The following SLCO2B1 variants were observed in gnomAD, a reference collection of about 807,000 sequenced individuals.
The protein encoded by SLCO2B1 is solute carrier organic anion transporter family member 2B1.
A neutral mutation model predicts 67.3 loss-of-function variants in SLCO2B1; 41 were observed. The ratio of observed to expected loss-of-function variants is 0.61; its 90% CI spans 0.47 to 0.79. SLCO2B1 has a LOEUF of 0.79. Among genes scored for constraint, SLCO2B1 ranks in the 30% least tolerant of loss-of-function variants. SLCO2B1 has a pLI of 0.00. For synonymous variants in SLCO2B1, 379 were observed against 381.4 expected (o/e 0.99, Z 0.07); for missense variants, 837 against 920.1 (o/e 0.91, Z 1.17).
chr11:75,166,950 A>G (rs1357880744), intron 4 of SLCO2B1, among the ~76,000 whole-genome samples: 1 of 152,170 alleles, frequency 6.6e-6, no homozygotes, highest in Non-Finnish European at 1.5e-5. Flanking sequence ...ACCAGACCAG[A>G]GGCCAGGGAT....
intron 1 of SLCO2B1, among the ~76,000 whole-genome samples, chr11:75,152,105 T>C (rs942619645): frequency 2.0e-5 from 3 of 152,330 alleles, no homozygotes; most frequent in Admixed American, 2.0e-4. Context: ...AAAAAGGTCT[T>C]GAAGCTCTGC....
At chr11:75,172,289 C>G (rs1362589703) in intron 6 of SLCO2B1, 90 bp from the exon 7 acceptor site, 24 of 1,235,066 alleles carry the variant, frequency 1.9e-5, no homozygotes, top group Admixed American at 1.6e-4. Context: ...CCTGGGCCAC[C>G]TCATGTCTCA....
intron 7 of SLCO2B1, among the ~76,000 whole-genome samples, chr11:75,186,501 G>A (rs768391772): frequency 5.9e-5 from 9 of 151,520 alleles, no homozygotes; most frequent in East Asian, 3.9e-4. Flanking sequence ...GAGCCGCCAC[G>A]CCCGACTGAT....
chr11:75,165,974 G>A (rs745701899), intron 4 of SLCO2B1, 25 bp downstream of exon 4: 4 of 1,606,586 alleles, frequency 2.5e-6, no homozygotes, highest in Non-Finnish European at 3.4e-6. Context: ...GGCTGGGCAG[G>A]AGTGGGACGT....
chr11:75,174,278 T>C lies in SLCO2B1; in HGVS notation c.972+1709T>C, dbSNP rs572688463. Among the ~76,000 whole-genome samples the C allele has an allele frequency of 2.6e-4, 40 of 152,260 alleles. 1 individual carries two copies. Among genetic ancestry groups the C allele is most frequent in the African/African-American group, 9.4e-4 (39 of 41,538 alleles). ...AAGTAACTTACTTGTTGCTAAGTAA[T>C]TCTAATTTCAAAGGGACAATTTATA... On this transcript the variant is annotated intron_variant, in intron 7 of 13. Transcript: ENST00000289575.
intron 7 of SLCO2B1, among the ~76,000 whole-genome samples, chr11:75,173,951 T>C (rs1356688017): frequency 1.3e-5 from 2 of 151,892 alleles, no homozygotes; most frequent in Non-Finnish European, 2.9e-5. Context: ...TACAGGTGTG[T>C]GCCACCATGC....
At chr11:75,176,761 T>A (rs1016177313) in intron 7 of SLCO2B1, among the ~76,000 whole-genome samples, 1 of 152,154 alleles carries the variant, frequency 6.6e-6, no homozygotes, top group African/African-American at 2.4e-5. Context: ...GAGGCCTCCA[T>A]TTCCCTGGGA....
rs1252101726 is a variant in SLCO2B1 at position 75,204,562 on chromosome 11, A to G, written c.2112A>G (p.Pro704=). 6.2e-7 allele frequency: 1 copy of G among 1,610,576 alleles called. No individual in the cohort carries two copies. The highest frequency in any genetic ancestry group is 2.2e-5 in the East Asian group (1 of 44,844). Residue 704 remains proline (P), a synonymous_variant, in exon 14 of 14, where the codon CCA becomes CCG. Coordinates refer to ENST00000289575, the MANE Select transcript of SLCO2B1 (RefSeq NM_007256.5). Reference sequence around the variant, plus strand: ...TAGTGTCGGGGCCAGGGAAGAAGCCAGAGGATTCCCGAGTGTGAGCTGTCT... The same window carrying G: ...TAGTGTCGGGGCCAGGGAAGAAGCCGGAGGATTCCCGAGTGTGAGCTGTCT... ...QLLVSGPGKK[P]EDSRV
At chr11:75,191,683 C>T (rs1945025353) in intron 8 of SLCO2B1, among the ~76,000 whole-genome samples, 2 of 152,198 alleles carry the variant, frequency 1.3e-5, no homozygotes, top group Non-Finnish European at 1.5e-5. Flanking sequence ...CCACCTGGCC[C>T]AGAGAATCCC....
At chr11:75,188,070 C>A in intron 7 of SLCO2B1, 66 bp from the exon 8 acceptor site, 1 of 1,146,324 alleles carries the variant, frequency 8.7e-7, no homozygotes, top group East Asian at 2.4e-5. Context: ...CTCCCCAGCC[C>A]ACAGCCAACT....
intron 4 of SLCO2B1, among the ~76,000 whole-genome samples, 159 bp downstream of exon 4, chr11:75,166,108 A>T (rs867627): frequency 0.21 from 32,684 of 152,026 alleles, 3,945 homozygotes; most frequent in Admixed American, 0.37. Flanking sequence ...CCCAGGCCCC[A>T]GCCCAGGTGG....
chr11:75,179,578 A>T (rs1950070073), intron 7 of SLCO2B1, among the ~76,000 whole-genome samples: 1 of 152,164 alleles, frequency 6.6e-6, no homozygotes, highest in African/African-American at 2.4e-5. Flanking sequence ...TAATTATATC[A>T]GGGTAAATGG....
intron 8 of SLCO2B1, among the ~76,000 whole-genome samples, chr11:75,189,451 A>T (rs1022742239): frequency 3.3e-5 from 5 of 152,154 alleles, no homozygotes; most frequent in African/African-American, 4.8e-5. Flanking sequence ...TTATGCTATT[A>T]AAAAAAACTG....
chr11:75,174,492 G>A (rs1304423535), intron 7 of SLCO2B1, among the ~76,000 whole-genome samples: 1 of 152,208 alleles, frequency 6.6e-6, no homozygotes, highest in African/African-American at 2.4e-5. Flanking sequence ...GTTGGGGACT[G>A]CACATAGCTG....
chr11:75,154,478 C>A (rs927626960), intron 1 of SLCO2B1, among the ~76,000 whole-genome samples: 27 of 152,078 alleles, frequency 1.8e-4, no homozygotes, highest in African/African-American at 5.8e-4. Context: ...CCAGCCTGGG[C>A]AACAAGAGTG....
intron 12 of SLCO2B1, 120 bp downstream of exon 12, chr11:75,203,085 ATGGGGTGAC>A (rs1356328108): frequency 8.5e-7 from 1 of 1,170,112 alleles, no homozygotes; most frequent in Non-Finnish European, 1.3e-6. Context: ...TCACAAGCTC[ATGGGGTGAC>A]AGACCTGGCC....
chr11:75,174,923 G>A (rs1950005475), intron 7 of SLCO2B1, among the ~76,000 whole-genome samples: 2 of 152,210 alleles, frequency 1.3e-5, no homozygotes, highest in African/African-American at 2.4e-5. Flanking sequence ...ATTCTGTGCT[G>A]CTGTGTAAGA....
rs147017817 is a variant in SLCO2B1, at chr11:75,181,512, C to T, written c.973-6624C>T. Reference sequence around the variant, plus strand: ...TCTCATCCCTGTGGCTGCTTCCCTTCGTGATATGTGAAGGAACCCGAGGCT... The same window carrying T: ...TCTCATCCCTGTGGCTGCTTCCCTTTGTGATATGTGAAGGAACCCGAGGCT... On this transcript the variant is annotated intron_variant, in intron 7 of 13. Transcript: ENST00000289575. Among the ~76,000 whole-genome samples, 621 of 152,274 alleles carry T rather than the reference C, an allele frequency of 4.1e-3. 1 individual carries two copies. The highest frequency in any genetic ancestry group is 0.017 in the Middle Eastern group (5 of 294).
chr11:75,170,894 C>T (rs1315715032), intron 6 of SLCO2B1, among the ~76,000 whole-genome samples: 1 of 152,172 alleles, frequency 6.6e-6, no homozygotes, highest in Non-Finnish European at 1.5e-5. Context: ...TCCAGGCAGA[C>T]GGGGTATCTC....
Sources: gnomAD v4.1 joint callset for allele counts (sites outside exome capture counted in the v4.1 genomes callset) on GRCh38, gnomAD v4.1.1 for gene constraint, MANE v1.5 for transcripts, NCBI Gene and HGNC (gene_info 2026-07-23, HGNC 2026-07-21) for gene names.